The following SMOC2 variants were observed in gnomAD, a reference collection of about 807,000 sequenced individuals.
The protein encoded by SMOC2 is SPARC-related modular calcium-binding protein 2.
In SMOC2, 39 loss-of-function variants were observed where a neutral mutation model predicts 61.4. That is an observed-to-expected ratio of 0.64 (90% CI 0.49 to 0.83). The LOEUF (loss-of-function observed/expected upper bound fraction) is 0.83, where lower values mean the gene tolerates loss of function less well. SMOC2 is among the 40% of genes least tolerant of loss of function. The pLI is 0.00. For missense variants in SMOC2, 556 were observed against 592.9 expected (o/e 0.94, Z 0.65); for synonymous variants, 247 against 239.9 (o/e 1.03, Z -0.27).
At chr6:168,599,969 T>C (rs943281370) in intron 8 of SMOC2, among the ~76,000 whole-genome samples, 6 of 148,624 alleles carry the variant, frequency 4.0e-5, no homozygotes, top group Non-Finnish European at 3.0e-5. Context: ...CACACACACA[T>C]ACTCTCCCCA....
chr6:168,499,706 C>A (rs1405925942), intron 1 of SMOC2, among the ~76,000 whole-genome samples: 1 of 152,184 alleles, frequency 6.6e-6, no homozygotes, highest in Non-Finnish European at 1.5e-5. Flanking sequence ...TACTTTATAT[C>A]CAGTCATCCT....
intron 9 of SMOC2, among the ~76,000 whole-genome samples, chr6:168,630,421 A>G (rs1786537859): frequency 6.6e-6 from 1 of 152,226 alleles, no homozygotes; most frequent in Non-Finnish European, 1.5e-5. Context: ...CACTTCCCCA[A>G]GCAATACTCT....
chr6:168,547,923 G>A (rs1036360182), intron 6 of SMOC2, among the ~76,000 whole-genome samples: 6 of 152,050 alleles, frequency 3.9e-5, no homozygotes, highest in African/African-American at 1.4e-4. Context: ...TAAAATGTAT[G>A]GCCATTTTCC....
intron 9 of SMOC2, among the ~76,000 whole-genome samples, chr6:168,634,647 G>T (rs796137804): frequency 3.3e-5 from 5 of 152,322 alleles, no homozygotes; most frequent in African/African-American, 1.2e-4. Context: ...CAAGCGCTAG[G>T]CTACAAGACC....
rs538148753 is a variant in SMOC2 at position 168,537,834 on chromosome 6, G to A, written c.464-5791G>A. ...CAGTTCTGTCAGCACGAAGGGGAAA[G>A]GGCCTGGCCTGGAGTTCACCTCCCC... is the stretch of plus-strand genomic sequence containing the variant. On this transcript the variant is annotated intron_variant, in intron 4 of 12. Transcript: ENST00000356284. Among the ~76,000 whole-genome samples, 139 of 152,340 alleles carry A rather than the reference G, an allele frequency of 9.1e-4. 1 individual carries two copies. The highest frequency in any genetic ancestry group is 1.9e-3 in the Admixed American group (29 of 15,308).
intron 7 of SMOC2, among the ~76,000 whole-genome samples, chr6:168,552,049 G>T (rs1678764242): frequency 6.6e-6 from 1 of 152,162 alleles, no homozygotes; most frequent in African/African-American, 2.4e-5. Flanking sequence ...CGAAAAGATG[G>T]CATTGAGTTG....
At chr6:168,646,212 C>T (rs1787024949) in intron 9 of SMOC2, among the ~76,000 whole-genome samples, 1 of 152,212 alleles carries the variant, frequency 6.6e-6, no homozygotes, top group South Asian at 2.1e-4. Context: ...GGCCCCCGTC[C>T]GTACACCTGC....
chr6:168,486,091 C>G (rs1292529718), intron 1 of SMOC2, among the ~76,000 whole-genome samples: 1 of 152,146 alleles, frequency 6.6e-6, no homozygotes, highest in Non-Finnish European at 1.5e-5. Flanking sequence ...AATAATTTAT[C>G]TTCTCTACTT....
intron 9 of SMOC2, among the ~76,000 whole-genome samples, chr6:168,628,834 C>T (rs1786488827): frequency 6.6e-6 from 1 of 152,254 alleles, no homozygotes; most frequent in Non-Finnish European, 1.5e-5. Flanking sequence ...GGAGAATGAA[C>T]TTTAACCAGG....
chr6:168,443,221 T>G (rs1251630574), intron 1 of SMOC2, among the ~76,000 whole-genome samples: 1 of 152,200 alleles, frequency 6.6e-6, no homozygotes, highest in African/African-American at 2.4e-5. Context: ...GGGGTGGGGT[T>G]GGGCCTGTTG....
intron 2 of SMOC2, among the ~76,000 whole-genome samples, chr6:168,524,794 G>A (rs1165694953): frequency 6.6e-6 from 1 of 152,272 alleles, no homozygotes; most frequent in Non-Finnish European, 1.5e-5. Flanking sequence ...GATGCATGGA[G>A]GAGCGTTTGC....
At position 168,650,746 on chromosome 6, in the gene SMOC2, G is replaced by A; in HGVS notation, c.973G>A (p.Val325Ile). ...SVLDALSTDM[V>I]HAASDPSSSS... is the part of the protein sequence containing the mutation. ...TCTGGACGCGCTGTCCACGGACATG[G>A]TCCACGCCGCCTCCGACCCCTCCTC... The change falls in exon 10 of 13, where the codon GTC becomes ATC. Residue 325 changes from valine (V) to isoleucine (I), a missense_variant. Coordinates refer to ENST00000356284, the MANE Select transcript of SMOC2 (RefSeq NM_001166412.2). The A allele has an allele frequency of 6.2e-7, 1 of 1,613,244 alleles. No individual in the cohort carries two copies. Among genetic ancestry groups the A allele is most frequent in the Non-Finnish European group, 8.5e-7 (1 of 1,179,994 alleles).
intron 8 of SMOC2, among the ~76,000 whole-genome samples, chr6:168,604,543 A>G (rs910295994): frequency 6.6e-6 from 1 of 152,160 alleles, no homozygotes; most frequent in Non-Finnish European, 1.5e-5. Context: ...CAATTTTCTT[A>G]TTAATTTTCT....
rs188296075 is a variant in SMOC2, at chr6:168,550,070, G to A, written c.637+867G>A. ...TGATTTTGACTGTTTTCATGGAAGC[G>A]GGTTTGTTCTGTAATTTTCATTTAG... On this transcript the variant is annotated intron_variant, in intron 7 of 12. Coordinates refer to ENST00000356284, the MANE Select transcript of SMOC2 (RefSeq NM_001166412.2). 3.3e-5 allele frequency among the ~76,000 whole-genome samples: 5 copies of A among 152,208 alleles called. No individual in the cohort carries two copies. In the East Asian group the frequency reaches 7.7e-4, roughly 23 times the overall value.
intron 9 of SMOC2, among the ~76,000 whole-genome samples, chr6:168,637,908 T>TGCTGAGCTGGAGCTGG (rs1786783529): frequency 2.8e-5 from 4 of 144,408 alleles, no homozygotes; most frequent in East Asian, 4.0e-4. Flanking sequence ...GGGCGTGCTG[T>TGCTGAGCTGGAGCTGG]ATGCTGAGCT....
intron 1 of SMOC2, among the ~76,000 whole-genome samples, chr6:168,446,178 C>T (rs1203303202): frequency 2.0e-5 from 3 of 152,358 alleles, no homozygotes; most frequent in African/African-American, 7.2e-5. Flanking sequence ...GCCTGACCAA[C>T]ATGGTGAAAC....
At chr6:168,503,753 G>A (rs936643880) in intron 1 of SMOC2, among the ~76,000 whole-genome samples, 4 of 152,080 alleles carry the variant, frequency 2.6e-5, no homozygotes, top group African/African-American at 9.7e-5. Flanking sequence ...TCAGTGTCCC[G>A]CAGAGGCTGT....
chr6:168,558,511 G>GC lies in SMOC2; in HGVS notation c.637+9315dup, dbSNP rs763085942. Reference sequence around the variant, plus strand: ...GAAGGGGGGCCTGGGCTGGTTCTCGGCCCCCCCTGTGTGATCCTGATCAAT... The same window carrying GC: ...GAAGGGGGGCCTGGGCTGGTTCTCGGCCCCCCCCTGTGTGATCCTGATCAAT... On this transcript the variant is annotated intron_variant, in intron 7 of 12. Transcript: ENST00000356284. Among the ~76,000 whole-genome samples the GC allele has an allele frequency of 3.8e-4, 58 of 152,170 alleles. No individual in the cohort carries two copies. The East Asian group carries it at 7.1e-3, about 19-fold the overall frequency.
At chr6:168,629,013 G>T (rs547100021) in intron 9 of SMOC2, among the ~76,000 whole-genome samples, 1 of 152,236 alleles carries the variant, frequency 6.6e-6, no homozygotes, top group African/African-American at 2.4e-5. Flanking sequence ...GCAGGCAGGC[G>T]AGGGGGACTC....
Sources: gnomAD v4.1 joint callset for allele counts (sites outside exome capture counted in the v4.1 genomes callset) on GRCh38, gnomAD v4.1.1 for gene constraint, MANE v1.5 for transcripts, NCBI Gene and HGNC (gene_info 2026-07-23, HGNC 2026-07-21) for gene names.